Variants in UBR3 observed in about 807,000 individuals in gnomAD.
UBR3 encodes ubiquitin protein ligase E3 component n-recognin 3, also known as E3 ubiquitin-protein ligase UBR3.
Under a neutral mutation model 243.2 loss-of-function variants are expected in UBR3, and 85 were observed. That is an observed-to-expected ratio of 0.35 (90% confidence interval 0.29 to 0.42). The LOEUF is 0.42. UBR3 is among the 10% of genes least tolerant of loss of function. The pLI is 1.00. For missense variants in UBR3, 1,686 were observed against 2,300.8 expected, an observed-to-expected ratio of 0.73 and a Z score of 5.47; for synonymous variants, 748 against 799.8, an observed-to-expected ratio of 0.94 and a Z score of 1.09.
At chr2:170,053,698 G>A (rs559898875) in intron 32 of UBR3, among the ~76,000 whole-genome samples, 75 of 152,270 alleles carry the variant, frequency 4.9e-4, no homozygotes, top group African/African-American at 1.6e-3. Flanking sequence ...TGAAACTGAC[G>A]AGAAATATTT....
intron 24 of UBR3, among the ~76,000 whole-genome samples, chr2:169,965,976 T>G (rs1574300629): frequency 6.6e-6 from 1 of 152,156 alleles, no homozygotes. Flanking sequence ...TTATAAATCC[T>G]CTAATCAAAT....
intron 31 of UBR3, among the ~76,000 whole-genome samples, chr2:170,030,888 T>C (rs2090649994): frequency 6.6e-6 from 1 of 152,164 alleles, no homozygotes; most frequent in Non-Finnish European, 1.5e-5. Flanking sequence ...TTCATTCCCA[T>C]CCATTTGCAT....
intron 18 of UBR3, 148 bp from the exon 19 acceptor site, chr2:169,932,764 T>C: frequency 1.6e-6 from 1 of 611,170 alleles, no homozygotes; most frequent in South Asian, 2.4e-5. Flanking sequence ...AAAGTAATCA[T>C]GGCATCAAGC....
At chr2:170,010,330 T>C (rs1255895324) in intron 29 of UBR3, among the ~76,000 whole-genome samples, 1 of 152,182 alleles carries the variant, frequency 6.6e-6, no homozygotes, top group East Asian at 1.9e-4. Context: ...ATGGATCAAC[T>C]CAGTTCTGTT....
At position 169,946,404 on chromosome 2, in the gene UBR3, T is replaced by C; in HGVS notation, c.2910+12T>C. Reference sequence around the variant, plus strand: ...AATCAGATGAAGAGGTAAGTAGTTTTTATAATTTAAAATTTTTAGATAGGC... The same window carrying C: ...AATCAGATGAAGAGGTAAGTAGTTTCTATAATTTAAAATTTTTAGATAGGC... On this transcript the variant is annotated intron_variant, in intron 21 of 38. Transcript: ENST00000272793. 3.4e-6 allele frequency: 5 copies of C among 1,449,368 alleles called. No homozygotes were observed. Among genetic ancestry groups the C allele is most frequent in the Middle Eastern group, 1.8e-4 (1 of 5,530 alleles). The allele number at this position is 1,449,368 out of a possible 1,614,324, so 89.8% of individuals were successfully genotyped here. A position where few individuals can be genotyped will look rare whatever the true frequency, so the allele number is the denominator to read the frequency against.
intron 24 of UBR3, among the ~76,000 whole-genome samples, chr2:169,982,920 C>T (rs1409541141): frequency 6.6e-6 from 1 of 152,176 alleles, no homozygotes; most frequent in African/African-American, 2.4e-5. Flanking sequence ...GATCTCATCA[C>T]CCACAGACCC....
At chr2:169,978,453 C>A (rs1236921321) in intron 24 of UBR3, among the ~76,000 whole-genome samples, 1 of 152,032 alleles carries the variant, frequency 6.6e-6, no homozygotes, top group Non-Finnish European at 1.5e-5. Context: ...GGGTTGTTTA[C>A]CCCGGGGGAA....
At chr2:169,866,413 G>C (rs1004280969) in intron 1 of UBR3, among the ~76,000 whole-genome samples, 11 of 151,512 alleles carry the variant, frequency 7.3e-5, no homozygotes, top group Non-Finnish European at 1.3e-4. Flanking sequence ...ATCCAGGCTG[G>C]AGTGCAGTGG....
chr2:169,979,249 C>T (rs1261047140), intron 24 of UBR3, among the ~76,000 whole-genome samples: 2 of 152,132 alleles, frequency 1.3e-5, no homozygotes, highest in African/African-American at 4.8e-5. Context: ...TCTGACACTA[C>T]CAATTTTTTG....
chr2:170,011,769 A>T (rs12988325), intron 29 of UBR3, among the ~76,000 whole-genome samples: 65,680 of 151,850 alleles, frequency 0.43, 15,567 homozygotes, highest in Non-Finnish European at 0.54. Flanking sequence ...TCTAAAAATT[A>T]ATCAAAATCA....
At chr2:170,080,101 T>C (rs552434897) in intron 37 of UBR3, 78 bp downstream of exon 37, 131 of 1,270,808 alleles carry the variant, frequency 1.0e-4, no homozygotes, top group South Asian at 8.8e-4. Flanking sequence ...CATCTCTTCA[T>C]ATTAACTACT....
At position 170,082,001 on chromosome 2, in the gene UBR3, C is replaced by A. The variant is rs529086193; in HGVS notation, c.*158C>A. The A allele has an allele frequency of 6.7e-6, 3 of 449,800 alleles. No individual in the cohort carries two copies. Among genetic ancestry groups the A allele is most frequent in the South Asian group, 8.7e-5 (1 of 11,528 alleles). 27.9% of individuals were successfully genotyped at this position (449,800 alleles called of 1,614,324 possible). ...TCCAAAATTAGGTGCTTGGTAATCA[C>A]GTTAATGGTATAATTTTTTTTTTTT... On this transcript the variant is annotated 3_prime_UTR_variant, in exon 39 of 39. Coordinates refer to ENST00000272793, the MANE Select transcript of UBR3 (RefSeq NM_172070.4).
chr2:169,875,757 C>G, intron 2 of UBR3, 34 bp from the exon 3 acceptor site: 2 of 1,477,576 alleles, frequency 1.4e-6, no homozygotes, highest in Non-Finnish European at 1.8e-6. Context: ...AACAAAATTA[C>G]CCTTATTTGA....
intron 10 of UBR3, among the ~76,000 whole-genome samples, chr2:169,909,555 A>G (rs915249148): frequency 1.3e-5 from 2 of 152,140 alleles, no homozygotes; most frequent in African/African-American, 4.8e-5. Flanking sequence ...TTAGCTAGGG[A>G]GGAGGAATAA....
In UBR3 at chr2:169,914,049, T is replaced by A; in HGVS notation, c.1780-11T>A. On this transcript the variant is annotated splice_polypyrimidine_tract_variant and intron_variant, in intron 10 of 38. Coordinates refer to ENST00000272793, the MANE Select transcript of UBR3 (RefSeq NM_172070.4). The stretch of plus-strand genomic sequence containing the variant: ...TATCATAAATTTATTATATATAACT[T>A]ACTATTTTAGGAAACTCAAGAGTAT... 2 of 1,357,270 alleles carry A rather than the reference T, an allele frequency of 1.5e-6. No individual in the cohort carries two copies. Among genetic ancestry groups the A allele is most frequent in the Non-Finnish European group, 9.8e-7 (1 of 1,023,722 alleles). 84.1% of individuals were successfully genotyped at this position (1,357,270 alleles called of 1,614,324 possible).
chr2:169,849,163 G>A (rs2082579210), intron 1 of UBR3, among the ~76,000 whole-genome samples: 1 of 152,204 alleles, frequency 6.6e-6, no homozygotes, highest in Non-Finnish European at 1.5e-5. Flanking sequence ...CTTTGGCGCA[G>A]CGTGGGGCCC....
Position 169,932,076 on chromosome 2 carries a change from ATTTT to A in UBR3, c.2567-824_2567-821del, listed in dbSNP as rs140968517. On this transcript the variant is annotated intron_variant, in intron 18 of 38. Coordinates refer to ENST00000272793, the MANE Select transcript of UBR3 (RefSeq NM_172070.4). ...TCTCTTCAAAATCAATAGCTCATTA[ATTTT>A]TTTTTTTTTTTCTTGGAGACTGAGT... Among the ~76,000 whole-genome samples, 6 of 145,996 alleles carry A rather than the reference ATTTT, an allele frequency of 4.1e-5. No homozygotes were observed. The East Asian group carries it at 1.2e-3, about 29-fold the overall frequency.
chr2:169,954,931 C>A (rs1480845873), intron 23 of UBR3, among the ~76,000 whole-genome samples: 2 of 152,122 alleles, frequency 1.3e-5, no homozygotes, highest in Non-Finnish European at 2.9e-5. Context: ...ATTTAGTTGT[C>A]ATGCCTCTTT....
chr2:169,986,043 CATT>C (rs2088986579), intron 24 of UBR3, among the ~76,000 whole-genome samples: 1 of 152,202 alleles, frequency 6.6e-6, no homozygotes, highest in African/African-American at 2.4e-5. Context: ...CTATTAGTAA[CATT>C]ATATCACCAG....
Sources: allele counts gnomAD v4.1 joint callset (sites outside exome capture counted in the v4.1 genomes callset), GRCh38; gene constraint gnomAD v4.1.1; transcripts MANE v1.5; gene names NCBI Gene and HGNC (gene_info 2026-07-23, HGNC 2026-07-21).